RANBP2: variants seen among roughly 807,000 people sequenced by gnomAD.
RANBP2 encodes RAN binding protein 2, also known as E3 SUMO-protein ligase RanBP2.
RANBP2 carries 57 observed loss-of-function variants against 303.6 expected under a neutral mutation model. The ratio of observed to expected loss-of-function variants is 0.19; its 90% CI spans 0.15 to 0.23. The LOEUF is 0.23. RANBP2 is among the 10% of genes least tolerant of loss of function. The pLI is 1.00. For synonymous variants in RANBP2, 1,167 were observed against 1,301.5 expected, an observed-to-expected ratio of 0.90 and a Z score of 2.23; for missense variants, 3,138 against 3,780.8, an observed-to-expected ratio of 0.83 and a Z score of 4.46.
the RANBP2 span, chr2:109,613,779 C>A: frequency 8.2e-7 from 1 of 1,222,176 alleles, no homozygotes; most frequent in Non-Finnish European, 1.0e-6. Context: ...GCTGGGGCCC[C>A]GGCGTCGGCG....
chr2:109,564,508 CA>C, the RANBP2 span: 1 of 1,547,340 alleles, frequency 6.5e-7, no homozygotes, highest in South Asian at 1.3e-5. Flanking sequence ...CGCAGCTTTA[CA>C]AAGTCACAGT....
the RANBP2 span, among the ~76,000 whole-genome samples, chr2:108,866,743 C>T: frequency 6.6e-6 from 1 of 151,970 alleles, no homozygotes; most frequent in Non-Finnish European, 1.5e-5. Flanking sequence ...ATTAGCTGGA[C>T]GCGGTGACGG....
chr2:109,366,591 G>A, the RANBP2 span, among the ~76,000 whole-genome samples: 1 of 152,238 alleles, frequency 6.6e-6, no homozygotes, highest in Non-Finnish European at 1.5e-5. Context: ...GTTCATGCCT[G>A]TAATCCCAGC....
the RANBP2 span, among the ~76,000 whole-genome samples, chr2:109,521,365 C>G: frequency 6.6e-6 from 1 of 152,164 alleles, no homozygotes; most frequent in South Asian, 2.1e-4. Flanking sequence ...CCAAGTCACC[C>G]GAGTGATGAT....
downstream of RANBP2, chr2:108,786,625 AG>A (rs1678767002): frequency 1.6e-6 from 1 of 606,608 alleles, no homozygotes; most frequent in African/African-American, 2.0e-5. Flanking sequence ...CGAGGTGTGT[AG>A]TGCTAGCACG....
chr2:109,361,701 C>T, the RANBP2 span, among the ~76,000 whole-genome samples: 2 of 152,160 alleles, frequency 1.3e-5, no homozygotes, highest in Non-Finnish European at 2.9e-5. Context: ...GTCTTGAACT[C>T]CTGACTTCAA....
chr2:109,683,287 T>C, the RANBP2 span, among the ~76,000 whole-genome samples: 2 of 152,198 alleles, frequency 1.3e-5, no homozygotes, highest in African/African-American at 4.8e-5. Flanking sequence ...ATTATAAGCG[T>C]GAGCCACTGT....
chr2:109,275,037 C>T, the RANBP2 span, among the ~76,000 whole-genome samples: 8 of 152,232 alleles, frequency 5.3e-5, no homozygotes, highest in East Asian at 1.5e-3. Flanking sequence ...TTATAGATTA[C>T]CATAATGTAA....
chr2:109,396,654 A>T, the RANBP2 span, among the ~76,000 whole-genome samples: 2 of 152,188 alleles, frequency 1.3e-5, no homozygotes, highest in Admixed American at 1.3e-4. Context: ...TCACTGATTG[A>T]CAGCATTGAG....
the RANBP2 span, among the ~76,000 whole-genome samples, chr2:109,088,162 G>A: frequency 6.6e-6 from 1 of 152,064 alleles, no homozygotes; most frequent in Non-Finnish European, 1.5e-5. Flanking sequence ...ACTTTGGGAG[G>A]CCGAGGTGGG....
the RANBP2 span, chr2:109,398,442 C>A: frequency 1.3e-6 from 1 of 750,260 alleles, no homozygotes; most frequent in Non-Finnish European, 2.1e-6. Context: ...TGCCACCCCA[C>A]CAGCCTCTTC....
the RANBP2 span, among the ~76,000 whole-genome samples, chr2:109,278,731 G>C: frequency 6.6e-6 from 1 of 152,278 alleles, no homozygotes; most frequent in Non-Finnish European, 1.5e-5. Flanking sequence ...ATGGTGAAAG[G>C]CAAGTCCCTA....
chr2:109,498,815 G>A, the RANBP2 span, among the ~76,000 whole-genome samples: 2 of 152,184 alleles, frequency 1.3e-5, no homozygotes, highest in Non-Finnish European at 2.9e-5. Flanking sequence ...TGGCTGGGCA[G>A]TGGAAGATGG....
At chr2:109,572,599 T>C in the RANBP2 span, among the ~76,000 whole-genome samples, 1 of 151,348 alleles carries the variant, frequency 6.6e-6, no homozygotes, top group Non-Finnish European at 1.5e-5. Flanking sequence ...TCAGCTAACT[T>C]TTAAAACAAC....
the RANBP2 span, among the ~76,000 whole-genome samples, chr2:109,166,459 G>GA: frequency 7.6e-4 from 102 of 134,294 alleles, 2 homozygotes; most frequent in Middle Eastern, 3.8e-3. Flanking sequence ...CCTGGTGACA[G>GA]AAAAAAAAAA....
At chr2:109,170,491 G>A in the RANBP2 span, among the ~76,000 whole-genome samples, 13 of 152,044 alleles carry the variant, frequency 8.6e-5, no homozygotes, top group South Asian at 1.5e-3. Context: ...GACTGCAGGC[G>A]CACACCACCA....
the RANBP2 span, among the ~76,000 whole-genome samples, chr2:109,278,241 A>T: frequency 1.3e-5 from 2 of 151,768 alleles, no homozygotes; most frequent in Admixed American, 1.3e-4. Context: ...TTTGTGGAGG[A>T]TGTTTCCCTG....
At chr2:108,761,589 T>C (rs1010131278) in intron 18 of RANBP2, among the ~76,000 whole-genome samples, 4 of 152,144 alleles carry the variant, frequency 2.6e-5, no homozygotes, top group African/African-American at 9.7e-5. Flanking sequence ...AGGGAACACA[T>C]TTTATGTTAT....
chr2:109,560,395 TTCC>T, the RANBP2 span, among the ~76,000 whole-genome samples: 5 of 152,120 alleles, frequency 3.3e-5, no homozygotes, highest in African/African-American at 7.2e-5. Flanking sequence ...ACTGCTGGTT[TTCC>T]TCCTCCTCCC....
Sources: gnomAD v4.1 joint callset for allele counts (sites outside exome capture counted in the v4.1 genomes callset) on GRCh38, gnomAD v4.1.1 for gene constraint, MANE v1.5 for transcripts, NCBI Gene and HGNC (gene_info 2026-07-23, HGNC 2026-07-21) for gene names.